Variants in KCNAB1 observed in about 807,000 individuals in gnomAD.
KCNAB1 encodes the protein potassium voltage-gated channel subfamily A regulatory beta subunit 1, also known as voltage-gated potassium channel subunit beta-1.
A neutral mutation model predicts 64.6 loss-of-function variants in KCNAB1; 35 were observed. That is an observed-to-expected ratio of 0.54 (90% confidence interval 0.41 to 0.72). The LOEUF (loss-of-function observed/expected upper bound fraction) is 0.72. KCNAB1 is among the 30% of genes least tolerant of loss of function. The probability of loss-of-function intolerance (pLI) is 0.00; values close to 1 mark genes in which losing one functional copy is unlikely to be tolerated. For missense variants in KCNAB1, 401 were observed against 512.9 expected, an observed-to-expected ratio of 0.78 and a Z score of 2.11; for synonymous variants, 177 against 183.8, an observed-to-expected ratio of 0.96 and a Z score of 0.30.
chr3:156,462,702 G>A (rs568501559), intron 5 of KCNAB1, among the ~76,000 whole-genome samples: 12 of 152,176 alleles, frequency 7.9e-5, no homozygotes, highest in Non-Finnish European at 1.0e-4. Context: ...GCCCTGAGGC[G>A]TTGACCCTAC....
At chr3:156,506,492 G>A (rs1223953146) in intron 8 of KCNAB1, among the ~76,000 whole-genome samples, 3 of 152,152 alleles carry the variant, frequency 2.0e-5, no homozygotes, top group Non-Finnish European at 4.4e-5. Flanking sequence ...CTAGAGTCAG[G>A]GAAAACCAGT....
chr3:156,374,111 A>G (rs1334995568), intron 1 of KCNAB1, among the ~76,000 whole-genome samples: 1 of 152,190 alleles, frequency 6.6e-6, no homozygotes, highest in Non-Finnish European at 1.5e-5. Context: ...GTTATTGTGA[A>G]TATTAAATGG....
At position 156,434,539 on chromosome 3, in the gene KCNAB1, T is replaced by C. The variant is rs544459759; in HGVS notation, c.319+12880T>C. Among the ~76,000 whole-genome samples the C allele has an allele frequency of 3.3e-5, 5 of 152,126 alleles. No individual in the cohort carries two copies. In the East Asian group the frequency reaches 9.7e-4, roughly 29 times the overall value. On this transcript the variant is annotated intron_variant, in intron 2 of 13. Coordinates refer to ENST00000490337, the MANE Select transcript of KCNAB1 (RefSeq NM_172160.3). ...TAAAATAACATATCAGAAAAAGATC[T>C]CTAATATAGGTGTCATCATAGTAAA...
intron 1 of KCNAB1, among the ~76,000 whole-genome samples, chr3:156,167,694 A>G (rs1417361843): frequency 6.6e-6 from 1 of 152,190 alleles, no homozygotes; most frequent in Non-Finnish European, 1.5e-5. Flanking sequence ...AACAACAACA[A>G]AAATAAGTGG....
At chr3:156,294,261 C>A (rs1720642416) in intron 1 of KCNAB1, among the ~76,000 whole-genome samples, 1 of 152,334 alleles carries the variant, frequency 6.6e-6, no homozygotes, top group Non-Finnish European at 1.5e-5. Context: ...AAAAAGTTAG[C>A]CACTGGGATC....
chr3:156,457,690 G>T (rs1381580758), intron 4 of KCNAB1, among the ~76,000 whole-genome samples, 158 bp downstream of exon 4: 1 of 152,082 alleles, frequency 6.6e-6, no homozygotes, highest in Non-Finnish European at 1.5e-5. Context: ...CTAGAATTGG[G>T]GATATTGACT....
chr3:156,176,456 G>C, intron 1 of KCNAB1: 1 of 785,800 alleles, frequency 1.3e-6, no homozygotes, highest in Non-Finnish European at 2.4e-6. Context: ...CACAAAGGAA[G>C]TATGTCCCTT....
intron 1 of KCNAB1, among the ~76,000 whole-genome samples, chr3:156,174,117 C>T (rs1712192408): frequency 6.6e-6 from 1 of 152,286 alleles, no homozygotes; most frequent in Admixed American, 6.5e-5. Flanking sequence ...TTGTAATGAT[C>T]TCTTTATGTT....
At chr3:156,468,254 T>G (rs1713581384) in intron 7 of KCNAB1, among the ~76,000 whole-genome samples, 1 of 152,162 alleles carries the variant, frequency 6.6e-6, no homozygotes, top group Non-Finnish European at 1.5e-5. Context: ...CAGTATTCAA[T>G]CACTGAATTT....
At chr3:156,280,479 A>T (rs1443658950) in intron 1 of KCNAB1, among the ~76,000 whole-genome samples, 4 of 148,656 alleles carry the variant, frequency 2.7e-5, no homozygotes, top group African/African-American at 9.9e-5. Flanking sequence ...ATGAACTTTA[A>T]AGTAGTTTTT....
intron 8 of KCNAB1, among the ~76,000 whole-genome samples, chr3:156,491,648 G>T (rs1715638717): frequency 6.6e-6 from 1 of 151,798 alleles, no homozygotes; most frequent in South Asian, 2.1e-4. Context: ...ACTATATCTG[G>T]TAAGCTAATA....
intron 1 of KCNAB1, among the ~76,000 whole-genome samples, chr3:156,352,153 C>A (rs1462075850): frequency 1.3e-5 from 2 of 152,238 alleles, no homozygotes; most frequent in Admixed American, 6.5e-5. Context: ...CTGGGCCACA[C>A]TTCCGCCCCT....
At chr3:156,463,563 A>C in intron 5 of KCNAB1, 139 bp from the exon 6 acceptor site, 1 of 694,436 alleles carries the variant, frequency 1.4e-6, no homozygotes, top group Non-Finnish European at 2.4e-6. Flanking sequence ...GAGATGGATT[A>C]ACAAATTTAC....
At chr3:156,143,435 A>C (rs1714829763) in intron 1 of KCNAB1, 1 of 1,527,552 alleles carries the variant, frequency 6.5e-7, no homozygotes. Flanking sequence ...TGCTGATTGC[A>C]AAGTCATCCA....
intron 1 of KCNAB1, chr3:156,273,766 A>T (rs181604337): frequency 7.2e-6 from 3 of 418,330 alleles, no homozygotes; most frequent in African/African-American, 6.1e-5. Flanking sequence ...TGTGGGGAGG[A>T]TGATCAATGG....
intron 1 of KCNAB1, among the ~76,000 whole-genome samples, chr3:156,262,898 T>C (rs1196116175): frequency 6.6e-6 from 1 of 151,892 alleles, no homozygotes; most frequent in Non-Finnish European, 1.5e-5. Context: ...TAATTTGTGT[T>C]GTTTTAGGTA....
At chr3:156,190,485 A>C (rs1713493576) in intron 1 of KCNAB1, among the ~76,000 whole-genome samples, 1 of 152,232 alleles carries the variant, frequency 6.6e-6, no homozygotes, top group Non-Finnish European at 1.5e-5. Flanking sequence ...CTTATAAAGT[A>C]CAAGCAAGAA....
intron 1 of KCNAB1, among the ~76,000 whole-genome samples, chr3:156,152,076 C>G (rs746464620): frequency 1.3e-5 from 2 of 152,224 alleles, no homozygotes; most frequent in South Asian, 2.1e-4. Flanking sequence ...TCCCTGACAA[C>G]GACTGTGTCT....
intron 1 of KCNAB1, among the ~76,000 whole-genome samples, chr3:156,220,230 C>T (rs367987959): frequency 2.0e-4 from 31 of 152,298 alleles, no homozygotes; most frequent in African/African-American, 6.7e-4. Context: ...TGGGTATATG[C>T]ACAGTAATGG....
Sources: allele counts gnomAD v4.1 joint callset (sites outside exome capture counted in the v4.1 genomes callset), GRCh38; gene constraint gnomAD v4.1.1; transcripts MANE v1.5; gene names NCBI Gene and HGNC (gene_info 2026-07-23, HGNC 2026-07-21).